The following BOLL variants were observed in gnomAD, a reference collection of about 807,000 sequenced individuals.
The protein encoded by BOLL is protein boule-like.
Under a neutral mutation model 44.4 loss-of-function variants are expected in BOLL, and 23 were observed. The ratio of observed to expected loss-of-function variants is 0.52; its 90% CI spans 0.37 to 0.73. The LOEUF is 0.73. BOLL is among the 30% of genes least tolerant of loss of function. BOLL has a pLI of 0.00. For synonymous variants in BOLL, 97 were observed against 110.8 expected, an observed-to-expected ratio of 0.88 and a Z score of 0.78; for missense variants, 287 against 338.3, an observed-to-expected ratio of 0.85 and a Z score of 1.19.
At chr2:197,777,482 A>C (rs910920002) in intron 3 of BOLL, among the ~76,000 whole-genome samples, 1 of 151,896 alleles carries the variant, frequency 6.6e-6, no homozygotes, top group Non-Finnish European at 1.5e-5. Flanking sequence ...ATCAAAGTAG[A>C]AAAATAACTA....
At chr2:197,737,787 T>C (rs904584696) in intron 10 of BOLL, among the ~76,000 whole-genome samples, 1 of 152,138 alleles carries the variant, frequency 6.6e-6, no homozygotes, top group Non-Finnish European at 1.5e-5. Flanking sequence ...TAGATAGTGG[T>C]AGTAGTTCAG....
At chr2:197,763,082 A>C (rs1688832119) in intron 7 of BOLL, among the ~76,000 whole-genome samples, 1 of 152,210 alleles carries the variant, frequency 6.6e-6, no homozygotes, top group Non-Finnish European at 1.5e-5. Flanking sequence ...TTAGAGGCTA[A>C]TATGAACAAC....
chr2:197,742,626 G>A (rs1687800241), intron 10 of BOLL, among the ~76,000 whole-genome samples: 2 of 151,714 alleles, frequency 1.3e-5, no homozygotes, highest in South Asian at 4.2e-4. Flanking sequence ...AGAACACATG[G>A]ACACAGGAAG....
At chr2:197,739,699 A>G (rs1478541423) in intron 10 of BOLL, among the ~76,000 whole-genome samples, 1 of 152,128 alleles carries the variant, frequency 6.6e-6, no homozygotes, top group Non-Finnish European at 1.5e-5. Context: ...GATGTTACCT[A>G]CTCACAGATC....
rs558306350 is a variant in BOLL, at chr2:197,781,958, A to C, written c.-15-93T>G. On this transcript the variant is annotated intron_variant, in intron 1 of 10. Transcript: ENST00000392296. ...AAAACATATATTTTTCAAAAAGAAG[A>C]GTCATTTAGGCAAAATATAGTATTC... 198 of 1,197,404 alleles carry C rather than the reference A, an allele frequency of 1.7e-4. No homozygotes were observed. In the African/African-American group the frequency reaches 2.8e-3, roughly 17 times the overall value. The allele number at this position is 1,197,404 out of a possible 1,614,324, so 74.2% of individuals were successfully genotyped here. A position where few individuals can be genotyped will look rare whatever the true frequency, so the allele number is the denominator to read the frequency against.
chr2:197,760,959 GA>G (rs538802892), intron 7 of BOLL, among the ~76,000 whole-genome samples: 2 of 151,986 alleles, frequency 1.3e-5, no homozygotes, highest in African/African-American at 4.8e-5. Flanking sequence ...AATATTGAAG[GA>G]AAAAAACCTG....
intron 10 of BOLL, among the ~76,000 whole-genome samples, chr2:197,728,940 G>A (rs1242994129): frequency 6.6e-6 from 1 of 152,186 alleles, no homozygotes; most frequent in Non-Finnish European, 1.5e-5. Flanking sequence ...TTTTTGGCAG[G>A]AGGCTATTTA....
At chr2:197,742,918 T>G (rs1687821047) in intron 10 of BOLL, 143 bp downstream of exon 10, 1 of 437,190 alleles carries the variant, frequency 2.3e-6, no homozygotes, top group African/African-American at 2.0e-5. Context: ...TTATATTTCC[T>G]TCACATGAGT....
chr2:197,731,999 C>A (rs1254885308), intron 10 of BOLL, among the ~76,000 whole-genome samples: 1 of 150,324 alleles, frequency 6.7e-6, no homozygotes, highest in Non-Finnish European at 1.5e-5. Flanking sequence ...AAAAACCCTT[C>A]AAAAAATTAA....
chr2:197,786,009 T>C, upstream of BOLL: 4 of 1,612,100 alleles, frequency 2.5e-6, no homozygotes, highest in Non-Finnish European at 3.4e-6. The surrounding 1 kb of genome is among the most constrained non-coding windows in gnomAD (Gnocchi z 5.9). Flanking sequence ...TCCATCTTCC[T>C]CTCTGCTCTT....
chr2:197,779,177 T>G (rs1391243827), intron 2 of BOLL, 111 bp from the exon 3 acceptor site: 3 of 740,710 alleles, frequency 4.1e-6, no homozygotes, highest in Admixed American at 5.7e-5. Context: ...GCATGAAAAA[T>G]GCCTCTCATC....
chr2:197,769,269 C>T (rs1016065151), intron 6 of BOLL, among the ~76,000 whole-genome samples: 2 of 151,900 alleles, frequency 1.3e-5, no homozygotes, highest in Admixed American at 6.6e-5. Context: ...TGGTAAAATT[C>T]GGCTGTGAAT....
At chr2:197,786,187 G>A, upstream of BOLL, 1 of 858,164 alleles carries the variant, frequency 1.2e-6, no homozygotes, top group Non-Finnish European at 1.7e-6. This position sits in a 1 kb window ranked among gnomAD's most constrained non-coding sequence, Gnocchi z 5.9. Context: ...CCACCTGGCG[G>A]GTGGGGAGAA....
intron 7 of BOLL, among the ~76,000 whole-genome samples, chr2:197,763,494 A>AG (rs1553614317): frequency 0.012 from 1,756 of 151,454 alleles, 45 homozygotes; most frequent in African/African-American, 0.039. Context: ...AAAAAAAAAA[A>AG]AAAGAAAGAA....
chr2:197,752,624 C>G (rs749790486), intron 9 of BOLL, among the ~76,000 whole-genome samples: 7 of 152,128 alleles, frequency 4.6e-5, no homozygotes, highest in Non-Finnish European at 7.4e-5. Flanking sequence ...TCAAGGAGAA[C>G]TACAAACCAC....
chr2:197,734,877 C>T (rs1159641407), intron 10 of BOLL, among the ~76,000 whole-genome samples: 1 of 152,036 alleles, frequency 6.6e-6, no homozygotes, highest in Non-Finnish European at 1.5e-5. Context: ...ATGGGTGCAG[C>T]ACACCAACAT....
intron 10 of BOLL, among the ~76,000 whole-genome samples, chr2:197,728,978 T>C (rs575397072): frequency 2.0e-5 from 3 of 152,308 alleles, no homozygotes; most frequent in Admixed American, 2.0e-4. Context: ...GGAGCCAAGA[T>C]GGCCGAATAG....
chr2:197,771,629 A>G (rs1689265975), intron 6 of BOLL, among the ~76,000 whole-genome samples: 1 of 152,036 alleles, frequency 6.6e-6, no homozygotes, highest in Non-Finnish European at 1.5e-5. Context: ...TTGAACAGGA[A>G]AGAGGGTAAG....
At chr2:197,728,723 G>T in intron 10 of BOLL, 145 bp from the exon 11 acceptor site, 1 of 568,596 alleles carries the variant, frequency 1.8e-6, no homozygotes, top group Non-Finnish European at 2.9e-6. Context: ...GTTACAAAGT[G>T]AGAGGCTAGC....
Sources: gnomAD v4.1 joint callset for allele counts (sites outside exome capture counted in the v4.1 genomes callset) on GRCh38, gnomAD v4.1.1 for gene constraint, Gnocchi (gnomAD v3.1) non-coding constraint, MANE v1.5 for transcripts, NCBI Gene and HGNC (gene_info 2026-07-23, HGNC 2026-07-21) for gene names.